Variants in GUCY1A2 observed in about 807,000 individuals in gnomAD.
GUCY1A2 encodes guanylate cyclase soluble subunit alpha-2.
Under a neutral mutation model 63.5 loss-of-function variants are expected in GUCY1A2, and 27 were observed. The ratio of observed to expected loss-of-function variants is 0.43; its 90% CI spans 0.31 to 0.59. The LOEUF (loss-of-function observed/expected upper bound fraction) is 0.59. GUCY1A2 is among the 20% of genes least tolerant of loss of function. The probability of loss-of-function intolerance (pLI) is 0.11; values close to 1 mark genes in which losing one functional copy is unlikely to be tolerated. For synonymous variants in GUCY1A2, 364 were observed against 343.5 expected (o/e 1.06, Z -0.66); for missense variants, 768 against 913.3 (o/e 0.84, Z 2.05).
At chr11:106,885,438 G>A (rs1859885281) in intron 4 of GUCY1A2, among the ~76,000 whole-genome samples, 1 of 152,222 alleles carries the variant, frequency 6.6e-6, no homozygotes, top group Admixed American at 6.5e-5. Context: ...CTGCTCAGGT[G>A]GGTGGGAAAA....
chr11:106,745,939 G>C (rs1165186208), intron 6 of GUCY1A2, among the ~76,000 whole-genome samples: 1 of 152,166 alleles, frequency 6.6e-6, no homozygotes, highest in African/African-American at 2.4e-5. Context: ...TTTGAAGCTT[G>C]CACATTTTCC....
Position 107,017,600 on chromosome 11 carries a change from C to T in GUCY1A2, c.303+153G>A, listed in dbSNP as rs1861841256. Among the ~76,000 whole-genome samples the T allele has an allele frequency of 1.5e-5, 2 of 130,916 alleles. 1 individual carries two copies. Among genetic ancestry groups the T allele is most frequent in the Non-Finnish European group, 3.1e-5 (2 of 65,382 alleles). 85.9% of individuals were successfully genotyped at this position (130,916 alleles called of 152,430 possible). The stretch of plus-strand genomic sequence containing the variant: ...CCCTAGCCTAGGGGATCCTCTGTCG[C>T]CGGAGCCACTGGAACCCTAGGCCGT... On this transcript the variant is annotated intron_variant, in intron 1 of 7. Coordinates refer to ENST00000526355, the MANE Select transcript of GUCY1A2 (RefSeq NM_000855.3).
At chr11:106,772,335 G>A (rs1015061255) in intron 6 of GUCY1A2, among the ~76,000 whole-genome samples, 4 of 152,064 alleles carry the variant, frequency 2.6e-5, no homozygotes, top group African/African-American at 9.7e-5. Flanking sequence ...ATAATTTGAG[G>A]TAAACAGTAA....
intron 4 of GUCY1A2, among the ~76,000 whole-genome samples, chr11:106,852,521 G>C (rs373647234): frequency 6.6e-6 from 1 of 151,956 alleles, no homozygotes. Context: ...TAACATGAAG[G>C]GATGCTGAAT....
chr11:107,012,167 T>C (rs1327970175), intron 1 of GUCY1A2, among the ~76,000 whole-genome samples: 1 of 152,152 alleles, frequency 6.6e-6, no homozygotes, highest in Non-Finnish European at 1.5e-5. Flanking sequence ...TGTACACACA[T>C]GAGTCATACC....
rs2135328016 is a variant in GUCY1A2, at chr11:106,682,077, T to C, written c.*5472A>G. The C allele has an allele frequency of 4.8e-6, 1 of 208,932 alleles. No individual in the cohort carries two copies. Among genetic ancestry groups the C allele is most frequent in the Non-Finnish European group, 9.5e-6 (1 of 105,540 alleles). 12.9% of individuals were successfully genotyped at this position (208,932 alleles called of 1,614,324 possible). On this transcript the variant is annotated 3_prime_UTR_variant, in exon 8 of 8. Transcript: ENST00000526355. ...TAAGAAAATGGTACTGTATCTAGTA[T>C]GCCTAATAGCCCTATAGTGAGCAAT...
At chr11:106,708,365 ACTAT>A (rs1862954474) in intron 7 of GUCY1A2, 143 bp downstream of exon 7, 1 of 550,034 alleles carries the variant, frequency 1.8e-6, no homozygotes, top group Non-Finnish European at 3.2e-6. Flanking sequence ...TGTCACAATT[ACTAT>A]CTATCTTTTG....
At chr11:106,723,246 A>T (rs1863349654) in intron 6 of GUCY1A2, among the ~76,000 whole-genome samples, 1 of 152,090 alleles carries the variant, frequency 6.6e-6, no homozygotes, top group South Asian at 2.1e-4. Flanking sequence ...TCAACCCTTC[A>T]TCTAGCTGGA....
chr11:106,947,453 C>T (rs1441101357), intron 3 of GUCY1A2, among the ~76,000 whole-genome samples: 7 of 151,456 alleles, frequency 4.6e-5, no homozygotes, highest in Non-Finnish European at 1.0e-4. Context: ...AACTAAAAAG[C>T]AAAATCAGAG....
intron 4 of GUCY1A2, among the ~76,000 whole-genome samples, chr11:106,936,255 T>C (rs1860675658): frequency 6.6e-6 from 1 of 152,202 alleles, no homozygotes. Flanking sequence ...AAAATTCATC[T>C]CAAATTTACC....
intron 4 of GUCY1A2, among the ~76,000 whole-genome samples, chr11:106,892,603 GTTTA>G (rs1216050722): frequency 6.6e-6 from 1 of 151,952 alleles, no homozygotes; most frequent in African/African-American, 2.4e-5. Flanking sequence ...GAGTTTCCAA[GTTTA>G]TTTATTGCCC....
intron 4 of GUCY1A2, among the ~76,000 whole-genome samples, chr11:106,817,035 C>T (rs1858841634): frequency 1.3e-5 from 2 of 151,962 alleles, no homozygotes; most frequent in Non-Finnish European, 2.9e-5. Flanking sequence ...AGAATTAACA[C>T]CATTTTGTCA....
At chr11:106,813,877 A>C (rs1434912228) in intron 4 of GUCY1A2, among the ~76,000 whole-genome samples, 1 of 152,012 alleles carries the variant, frequency 6.6e-6, no homozygotes, top group Non-Finnish European at 1.5e-5. Flanking sequence ...ATTAATACTT[A>C]ATTTATACTT....
At chr11:106,774,597 G>T (rs768570823) in intron 6 of GUCY1A2, among the ~76,000 whole-genome samples, 22 of 150,634 alleles carry the variant, frequency 1.5e-4, no homozygotes, top group Non-Finnish European at 3.1e-4. Flanking sequence ...TCTTTTAATA[G>T]TTCCTGAAAA....
intron 4 of GUCY1A2, among the ~76,000 whole-genome samples, chr11:106,868,929 A>T (rs1859634546): frequency 6.6e-6 from 1 of 152,198 alleles, no homozygotes; most frequent in African/African-American, 2.4e-5. Flanking sequence ...ATGGAACAGA[A>T]CAGAGTCCTC....
At chr11:106,764,171 T>C (rs532947916) in intron 6 of GUCY1A2, among the ~76,000 whole-genome samples, 1 of 152,280 alleles carries the variant, frequency 6.6e-6, no homozygotes, top group East Asian at 1.9e-4. Flanking sequence ...TCCTCATTAT[T>C]TCAACATCTC....
intron 3 of GUCY1A2, among the ~76,000 whole-genome samples, chr11:106,964,683 T>C (rs1288374677): frequency 1.3e-5 from 2 of 152,066 alleles, no homozygotes; most frequent in African/African-American, 4.8e-5. Context: ...CAAAAGGTAT[T>C]TATAAAATAT....
chr11:106,866,144 C>T (rs1160500176), intron 4 of GUCY1A2, among the ~76,000 whole-genome samples: 1 of 151,836 alleles, frequency 6.6e-6, no homozygotes. Flanking sequence ...CATCTAGGAG[C>T]TACTTCTGGC....
At chr11:106,745,720 A>G (rs1233296392) in intron 6 of GUCY1A2, among the ~76,000 whole-genome samples, 1 of 152,222 alleles carries the variant, frequency 6.6e-6, no homozygotes, top group Non-Finnish European at 1.5e-5. Flanking sequence ...AGAATGAACT[A>G]TATTTGCAAA....
Sources: allele counts gnomAD v4.1 joint callset (sites outside exome capture counted in the v4.1 genomes callset), GRCh38; gene constraint gnomAD v4.1.1; transcripts MANE v1.5; gene names NCBI Gene and HGNC (gene_info 2026-07-23, HGNC 2026-07-21).